Variants in WAC observed in about 807,000 individuals in gnomAD.
The protein encoded by WAC is WW domain-containing adapter protein with coiled-coil.
Under a neutral mutation model 79.6 loss-of-function variants are expected in WAC, and 11 were observed. The observed-to-expected ratio is 0.14, with a 90% confidence interval of 0.09 to 0.23. The LOEUF is 0.23. WAC is among the 10% of genes least tolerant of loss of function. The pLI, the probability that WAC is intolerant of heterozygous loss-of-function variation, is 1.00. For synonymous variants in WAC, 304 were observed against 276.9 expected (o/e 1.10, Z -0.97); for missense variants, 728 against 773.5 (o/e 0.94, Z 0.70).
chr10:28,600,878 G>A (rs1209561181), intron 7 of WAC, among the ~76,000 whole-genome samples: 1 of 151,744 alleles, frequency 6.6e-6, no homozygotes, highest in Non-Finnish European at 1.5e-5. Flanking sequence ...CAATCCAATA[G>A]AACAGTGGAC....
At chr10:28,581,936 A>G (rs1235243572) in intron 3 of WAC, among the ~76,000 whole-genome samples, 1 of 152,196 alleles carries the variant, frequency 6.6e-6, no homozygotes, top group East Asian at 1.9e-4. Flanking sequence ...AGGGTATTCT[A>G]TCTATATAAG....
chr10:28,558,398 G>A (rs1838116243), intron 3 of WAC, among the ~76,000 whole-genome samples: 1 of 152,118 alleles, frequency 6.6e-6, no homozygotes, highest in South Asian at 2.1e-4. Flanking sequence ...ATTTCTTAAT[G>A]TTTGAGCAGT....
intron 3 of WAC, among the ~76,000 whole-genome samples, chr10:28,556,525 AT>A (rs201175663): frequency 2.1e-5 from 3 of 142,756 alleles, no homozygotes; most frequent in African/African-American, 2.6e-5. Context: ...CGTTTTGTTG[AT>A]TTTTTTCTTT....
At chr10:28,550,689 A>C (rs1038598954) in intron 3 of WAC, among the ~76,000 whole-genome samples, 2 of 152,234 alleles carry the variant, frequency 1.3e-5, no homozygotes, top group African/African-American at 4.8e-5. Context: ...GAGTAAAATC[A>C]TAAGAATTTA....
At chr10:28,574,775 GTGTT>G (rs1385859717) in intron 3 of WAC, among the ~76,000 whole-genome samples, 21 of 152,178 alleles carry the variant, frequency 1.4e-4, no homozygotes, top group Admixed American at 1.4e-3. Flanking sequence ...TTCATGTACA[GTGTT>G]TGGGCATATA....
intron 3 of WAC, among the ~76,000 whole-genome samples, chr10:28,553,727 T>TCC (rs563369176): frequency 4.8e-4 from 73 of 152,312 alleles, no homozygotes; most frequent in African/African-American, 1.7e-3. Context: ...ATCTGTGGTT[T>TCC]CCCCAACCAC....
At chr10:28,541,428 T>G (rs1196669167) in intron 3 of WAC, among the ~76,000 whole-genome samples, 6 of 139,678 alleles carry the variant, frequency 4.3e-5, no homozygotes, top group African/African-American at 1.0e-4. Flanking sequence ...TTGTTTTTTT[T>G]TTTTTTTTTT....
rs1313572388 is a variant in WAC, at chr10:28,613,261, G to A, written c.1438-1306G>A. Among the ~76,000 whole-genome samples the A allele has an allele frequency of 3.3e-5, 5 of 152,336 alleles. No homozygotes were observed. In the South Asian group the frequency reaches 6.2e-4, roughly 19 times the overall value. On this transcript the variant is annotated intron_variant, in intron 10 of 13. Transcript: ENST00000354911. ...ACAGACCTATAATCCCAGCTACTCG[G>A]GCGGCTGAGGCATGAGAATCACTTG...
intron 3 of WAC, among the ~76,000 whole-genome samples, chr10:28,538,986 G>A (rs1222592560): frequency 6.6e-6 from 1 of 151,996 alleles, no homozygotes; most frequent in East Asian, 1.9e-4. Flanking sequence ...TAAGATTACA[G>A]CAGGTTACTT....
chr10:28,537,818 A>G (rs535772790), intron 3 of WAC, among the ~76,000 whole-genome samples: 26 of 152,278 alleles, frequency 1.7e-4, no homozygotes, highest in African/African-American at 5.8e-4. Context: ...AACTCCAGGT[A>G]CTTGTTAGCT....
At chr10:28,566,179 C>T (rs781418293) in intron 3 of WAC, among the ~76,000 whole-genome samples, 7 of 152,098 alleles carry the variant, frequency 4.6e-5, no homozygotes, top group Non-Finnish European at 8.8e-5. Context: ...TTCTGTCTTA[C>T]TCTTTTGGTG....
chr10:28,587,361 G>C lies in WAC; in HGVS notation c.382-2375G>C, dbSNP rs551049284. Among the ~76,000 whole-genome samples the C allele has an allele frequency of 2.6e-5, 4 of 152,314 alleles. No homozygotes were observed. In the South Asian group the frequency reaches 8.3e-4, roughly 32 times the overall value. ...TTCAATCTGTTATGATACATCCAGT[G>C]TTTTGTTGAGCCTCTGGGTAAACTT... On this transcript the variant is annotated intron_variant, in intron 4 of 13. Coordinates refer to ENST00000354911, the MANE Select transcript of WAC (RefSeq NM_016628.5).
chr10:28,586,769 T>G lies in WAC; in HGVS notation c.382-2967T>G, dbSNP rs538319851. 1.1e-4 allele frequency among the ~76,000 whole-genome samples: 17 copies of G among 152,324 alleles called. No individual in the cohort carries two copies. In the South Asian group the frequency reaches 3.5e-3, roughly 32 times the overall value. ...TTTAGATTAGTTGTGCATATTTGAT[T>G]TTTCAAAGGGGGCTCTGAATTAGGA... On this transcript the variant is annotated intron_variant, in intron 4 of 13. Coordinates refer to ENST00000354911, the MANE Select transcript of WAC (RefSeq NM_016628.5).
chr10:28,563,874 A>AC (rs1232842357), intron 3 of WAC, among the ~76,000 whole-genome samples: 2 of 150,970 alleles, frequency 1.3e-5, no homozygotes, highest in Non-Finnish European at 2.9e-5. Context: ...GCTGGAATTA[A>AC]AAGCGTGAGC....
chr10:28,581,946 G>A lies in WAC; in HGVS notation c.275-1453G>A, dbSNP rs150085776. ...GGTTTAGGGTATTCTATCTATATAAGTAGAATACTGTACAGCAAGATGAAA... is the reference window on the plus strand; with the variant it reads ...GGTTTAGGGTATTCTATCTATATAAATAGAATACTGTACAGCAAGATGAAA... On this transcript the variant is annotated intron_variant, in intron 3 of 13. Coordinates refer to ENST00000354911, the MANE Select transcript of WAC (RefSeq NM_016628.5). Among the ~76,000 whole-genome samples the A allele has an allele frequency of 4.8e-3, 734 of 152,270 alleles. 5 individuals carry two copies. The highest frequency in any genetic ancestry group is 7.5e-3 in the Non-Finnish European group (509 of 68,020).
chr10:28,596,155 T>C (rs538719690), intron 7 of WAC, 114 bp downstream of exon 7: 257 of 1,157,036 alleles, frequency 2.2e-4, no homozygotes, highest in Non-Finnish European at 2.9e-4. Context: ...TTTAAAAAAG[T>C]CTTTTAGAAT....
chr10:28,619,350 A>C (rs955608462), intron 13 of WAC, among the ~76,000 whole-genome samples, 187 bp from the exon 14 acceptor site: 1 of 152,212 alleles, frequency 6.6e-6, no homozygotes, highest in Non-Finnish European at 1.5e-5. Flanking sequence ...ACTTTAATAG[A>C]TATTATGTAT....
At position 28,608,562 on chromosome 10, in the gene WAC, G is replaced by GT. The variant is rs574825135; in HGVS notation, c.1165+137dup. 3.3e-4 allele frequency: 364 copies of GT among 1,086,602 alleles called. 1 individual carries two copies. In the East Asian group the frequency reaches 3.5e-3, roughly 10 times the overall value. The allele number at this position is 1,086,602 out of a possible 1,614,324, so 67.3% of individuals were successfully genotyped here. ...ATAGTTGAACACTTTTTTTTGTTTT[G>GT]TTTTTTGTTTTTGGAGTTTGGAAAT... On this transcript the variant is annotated intron_variant, in intron 8 of 13. Coordinates refer to ENST00000354911, the MANE Select transcript of WAC (RefSeq NM_016628.5).
At chr10:28,570,393 G>A (rs1404538922) in intron 3 of WAC, among the ~76,000 whole-genome samples, 1 of 152,178 alleles carries the variant, frequency 6.6e-6, no homozygotes, top group East Asian at 1.9e-4. Context: ...ATGACACTAA[G>A]ATTTGTTATC....
Sources: allele counts gnomAD v4.1 joint callset (sites outside exome capture counted in the v4.1 genomes callset), GRCh38; gene constraint gnomAD v4.1.1; transcripts MANE v1.5; gene names NCBI Gene and HGNC (gene_info 2026-07-23, HGNC 2026-07-21).